MRRF: variants seen among roughly 807,000 people sequenced by gnomAD.
The protein encoded by MRRF is mitochondrial ribosome recycling factor, also known as ribosome-recycling factor, mitochondrial.
In MRRF, 18 loss-of-function variants were observed where a neutral mutation model predicts 25.1. The ratio of observed to expected loss-of-function variants is 0.72; its 90% CI spans 0.50 to 1.06. MRRF has a LOEUF of 1.06. Among genes scored for constraint, MRRF ranks in the 50% least tolerant of loss-of-function variants. MRRF has a pLI of 0.00. For synonymous variants in MRRF, 113 were observed against 112.1 expected, an observed-to-expected ratio of 1.01 and a Z score of -0.05; for missense variants, 323 against 319.3, an observed-to-expected ratio of 1.01 and a Z score of -0.09.
At chr9:122,265,713 G>A (rs1832029927) in intron 1 of MRRF, 2 of 1,280,160 alleles carry the variant, frequency 1.6e-6, no homozygotes, top group African/African-American at 1.5e-5. Flanking sequence ...CAGTGGTAGA[G>A]CTGCCGCAAA....
At position 122,319,441 on chromosome 9, in the gene MRRF, A is replaced by G. The variant is rs372755837; in HGVS notation, c.712-3099A>G. ...CTGGGATTACAACCACTGACTTTTT[A>G]TGTGATCTTGGACAGATCAGTTAAC... is the stretch of plus-strand genomic sequence containing the variant. On this transcript the variant is annotated intron_variant, in intron 6 of 6. Transcript: ENST00000344641. Among the ~76,000 whole-genome samples, 53 of 152,102 alleles carry G rather than the reference A, an allele frequency of 3.5e-4. 1 individual carries two copies. The East Asian group carries it at 5.4e-3, about 16-fold the overall frequency.
chr9:122,316,021 G>C (rs1268314176), intron 6 of MRRF, among the ~76,000 whole-genome samples: 1 of 151,970 alleles, frequency 6.6e-6, no homozygotes, highest in Non-Finnish European at 1.5e-5. Flanking sequence ...TCGTTTTGCT[G>C]TTAAAACAAG....
intron 4 of MRRF, among the ~76,000 whole-genome samples, chr9:122,289,670 TTATTACCTTGAG>T (rs771601398): frequency 6.6e-6 from 1 of 152,114 alleles, no homozygotes; most frequent in Non-Finnish European, 1.5e-5. Context: ...TTCAGCTCTT[TTATTACCTTGAG>T]TATAACCTTT....
At chr9:122,278,886 C>CTT (rs915007885) in intron 2 of MRRF, among the ~76,000 whole-genome samples, 1 of 146,822 alleles carries the variant, frequency 6.8e-6, no homozygotes, top group Non-Finnish European at 1.5e-5. Context: ...AGATCCACAT[C>CTT]TTTTTTTTTT....
At chr9:122,322,516 C>G (rs1199588083) in intron 6 of MRRF, 24 bp from the exon 7 acceptor site, 1 of 1,608,928 alleles carries the variant, frequency 6.2e-7, no homozygotes, top group Non-Finnish European at 8.5e-7. Context: ...ATTAATCAGG[C>G]TGTCTCATTT....
At chr9:122,318,539 G>C (rs542719904) in intron 6 of MRRF, among the ~76,000 whole-genome samples, 1 of 152,218 alleles carries the variant, frequency 6.6e-6, no homozygotes, top group African/African-American at 2.4e-5. Flanking sequence ...GCAAGGCAGC[G>C]GGTGTTTTGA....
intron 2 of MRRF, among the ~76,000 whole-genome samples, chr9:122,273,711 C>T (rs1832606398): frequency 6.6e-6 from 1 of 152,140 alleles, no homozygotes; most frequent in Non-Finnish European, 1.5e-5. Flanking sequence ...TGAGTTGTTA[C>T]TGTCTCACTG....
intron 6 of MRRF, among the ~76,000 whole-genome samples, chr9:122,313,947 G>C (rs1156578441): frequency 1.3e-5 from 2 of 152,140 alleles, no homozygotes; most frequent in African/African-American, 4.8e-5. Context: ...ATTCAGTTAA[G>C]ATCATTGGGG....
intron 4 of MRRF, among the ~76,000 whole-genome samples, chr9:122,288,892 A>G (rs554224322): frequency 6.6e-6 from 1 of 152,272 alleles, no homozygotes; most frequent in South Asian, 2.1e-4. Context: ...GATTTTTCTC[A>G]ACACTCTACT....
intron 6 of MRRF, among the ~76,000 whole-genome samples, chr9:122,316,195 A>T (rs1235629459): frequency 6.6e-6 from 1 of 151,936 alleles, no homozygotes; most frequent in Non-Finnish European, 1.5e-5. Flanking sequence ...GTTTATTTTT[A>T]TTTATTTTTT....
At chr9:122,280,625 G>A in intron 3 of MRRF, 27 bp downstream of exon 3, 2 of 1,610,636 alleles carry the variant, frequency 1.2e-6, no homozygotes, top group Non-Finnish European at 1.7e-6. Flanking sequence ...ATGTTCTGGG[G>A]AGGGATGTAA....
chr9:122,271,386 G>A (rs1832448627), intron 2 of MRRF, among the ~76,000 whole-genome samples: 2 of 152,204 alleles, frequency 1.3e-5, no homozygotes, highest in Non-Finnish European at 2.9e-5. Context: ...TTGTAGCAGG[G>A]ATCAATATAT....
chr9:122,318,290 C>G (rs1156905199), intron 6 of MRRF, among the ~76,000 whole-genome samples: 1 of 152,146 alleles, frequency 6.6e-6, no homozygotes, highest in Non-Finnish European at 1.5e-5. Flanking sequence ...GGTCTTCCCG[C>G]TCAGGACTCT....
At chr9:122,310,314 C>T (rs1410310900) in intron 5 of MRRF, among the ~76,000 whole-genome samples, 1 of 152,138 alleles carries the variant, frequency 6.6e-6, no homozygotes, top group Non-Finnish European at 1.5e-5. Flanking sequence ...ATCTGTTTTG[C>T]AAATGGGGCC....
At chr9:122,315,229 C>A (rs1835440353) in intron 6 of MRRF, among the ~76,000 whole-genome samples, 1 of 152,068 alleles carries the variant, frequency 6.6e-6, no homozygotes, top group South Asian at 2.1e-4. Context: ...GTTGCCCAGG[C>A]TGGTCTTGGG....
At chr9:122,313,450 T>C in intron 6 of MRRF, 64 bp downstream of exon 6, 1 of 1,549,326 alleles carries the variant, frequency 6.5e-7, no homozygotes, top group Non-Finnish European at 8.9e-7. Context: ...TGTTCATGTT[T>C]GAGGTGAGGA....
At chr9:122,297,559 A>G (rs1334161849) in intron 5 of MRRF, among the ~76,000 whole-genome samples, 1 of 151,810 alleles carries the variant, frequency 6.6e-6, no homozygotes, top group Non-Finnish European at 1.5e-5. Flanking sequence ...TTGGCATTTT[A>G]CACTTACATT....
intron 5 of MRRF, among the ~76,000 whole-genome samples, chr9:122,307,988 T>G (rs1001122298): frequency 2.6e-5 from 4 of 152,180 alleles, no homozygotes; most frequent in African/African-American, 9.7e-5. Flanking sequence ...AGTGGGATTC[T>G]CTGTTGTGTG....
Position 122,304,062 on chromosome 9 carries a change from A to AACACAC in MRRF, c.552-9132_552-9127dup, listed in dbSNP as rs66775611. On this transcript the variant is annotated intron_variant, in intron 5 of 6. Transcript: ENST00000344641. ...GGAAATACTGGTAATACCCTTTTCT[A>AACACAC]ACACACACACACACACACACACACA... 9.0e-3 allele frequency among the ~76,000 whole-genome samples: 1,257 copies of AACACAC among 139,864 alleles called. 13 individuals are homozygous for AACACAC. Among genetic ancestry groups the AACACAC allele is most frequent in the South Asian group, 0.012 (51 of 4,148 alleles). 91.8% of individuals were successfully genotyped at this position (139,864 alleles called of 152,430 possible).
Sources: allele counts gnomAD v4.1 joint callset (sites outside exome capture counted in the v4.1 genomes callset), GRCh38; gene constraint gnomAD v4.1.1; transcripts MANE v1.5; gene names NCBI Gene and HGNC (gene_info 2026-07-23, HGNC 2026-07-21).